ACMSD: variants seen among roughly 807,000 people sequenced by gnomAD.
ACMSD encodes the protein aminocarboxymuconate semialdehyde decarboxylase.
ACMSD carries 37 observed loss-of-function variants against 45.9 expected under a neutral mutation model. That is an observed-to-expected ratio of 0.81 (90% confidence interval 0.62 to 1.06). The LOEUF (loss-of-function observed/expected upper bound fraction) is 1.06, where lower values mean the gene tolerates loss of function less well. ACMSD is among the 50% of genes least tolerant of loss of function. The probability of loss-of-function intolerance (pLI) is 0.00; values close to 1 mark genes in which losing one functional copy is unlikely to be tolerated. For missense variants in ACMSD, 434 were observed against 420.9 expected, an observed-to-expected ratio of 1.03 and a Z score of -0.27; for synonymous variants, 138 against 148.8, an observed-to-expected ratio of 0.93 and a Z score of 0.53.
At chr2:134,859,666 A>G (rs1687756627) in intron 3 of ACMSD, 1 of 201,322 alleles carries the variant, frequency 5.0e-6, no homozygotes, top group Non-Finnish European at 9.9e-6. Flanking sequence ...TTATAAAATC[A>G]ATTAAAATAG....
chr2:134,861,912 A>G (rs1687868150), intron 3 of ACMSD, 57 bp from the exon 4 acceptor site: 2 of 1,598,970 alleles, frequency 1.3e-6, no homozygotes, highest in Admixed American at 1.7e-5. Flanking sequence ...TGGGAAAGGA[A>G]GGAGTGCCCA....
At chr2:134,885,233 T>C (rs1383813850) in intron 8 of ACMSD, among the ~76,000 whole-genome samples, 1 of 120,396 alleles carries the variant, frequency 8.3e-6, no homozygotes, top group Non-Finnish European at 1.6e-5. Flanking sequence ...ATATAATACA[T>C]ATGTAAATAT....
At chr2:134,894,795 A>AT (rs1476380629) in intron 8 of ACMSD, among the ~76,000 whole-genome samples, 1 of 152,096 alleles carries the variant, frequency 6.6e-6, no homozygotes, top group Non-Finnish European at 1.5e-5. Context: ...AAGGAAAAAA[A>AT]TTTTCTCTAC....
At chr2:134,845,521 CTCT>C (rs1159581778) in intron 2 of ACMSD, among the ~76,000 whole-genome samples, 3 of 144,478 alleles carry the variant, frequency 2.1e-5, no homozygotes, top group South Asian at 2.2e-4. Flanking sequence ...CTCTCTCTCT[CTCT>C]CTCTCTCTCT....
chr2:134,885,285 T>TATGTGTAAA (rs10636216), intron 8 of ACMSD, among the ~76,000 whole-genome samples: 1 of 104,364 alleles, frequency 9.6e-6, no homozygotes, highest in East Asian at 2.3e-4. Flanking sequence ...ATATTATATA[T>TATGTGTAAA]TATATTTATA....
chr2:134,859,628 A>C, intron 3 of ACMSD: 1 of 295,316 alleles, frequency 3.4e-6, no homozygotes, highest in South Asian at 1.2e-4. Context: ...ATTTTTAAAA[A>C]TTAGTTCAAA....
chr2:134,872,750 T>A, intron 8 of ACMSD, 109 bp downstream of exon 8: 1 of 1,310,304 alleles, frequency 7.6e-7, no homozygotes, highest in Non-Finnish European at 1.1e-6. Context: ...AGAAAGGTAT[T>A]AGATGAAAGG....
intron 1 of ACMSD, among the ~76,000 whole-genome samples, chr2:134,843,010 G>C (rs1021358386): frequency 1.3e-5 from 2 of 152,206 alleles, no homozygotes; most frequent in African/African-American, 4.8e-5. Flanking sequence ...GCAGGCAGTA[G>C]AGAAAGAGGG....
At chr2:134,861,623 G>A (rs1191807570) in intron 3 of ACMSD, among the ~76,000 whole-genome samples, 1 of 152,166 alleles carries the variant, frequency 6.6e-6, no homozygotes, top group African/African-American at 2.4e-5. Flanking sequence ...AAAGGGGCAG[G>A]GAAGGTGGCT....
chr2:134,867,379 A>C (rs1463827737), intron 5 of ACMSD, 200 bp from the exon 6 acceptor site: 1 of 384,612 alleles, frequency 2.6e-6, no homozygotes. Context: ...TGTTAATTCC[A>C]AGTGTCCCTT....
chr2:134,896,163 C>T (rs539255071), intron 8 of ACMSD, among the ~76,000 whole-genome samples: 1 of 152,148 alleles, frequency 6.6e-6, no homozygotes, highest in South Asian at 2.1e-4. Context: ...CAAAATGGAT[C>T]AAAGACTTAA....
chr2:134,850,661 A>T (rs1687296588), intron 2 of ACMSD, among the ~76,000 whole-genome samples: 1 of 151,832 alleles, frequency 6.6e-6, no homozygotes, highest in Non-Finnish European at 1.5e-5. Context: ...AGAATAATTT[A>T]TTATTATTAT....
At chr2:134,849,611 CAA>C (rs2104825225) in intron 2 of ACMSD, among the ~76,000 whole-genome samples, 1 of 152,258 alleles carries the variant, frequency 6.6e-6, no homozygotes, top group East Asian at 1.9e-4. Flanking sequence ...AAGTTCTTTC[CAA>C]AACATTTCTC....
intron 5 of ACMSD, among the ~76,000 whole-genome samples, chr2:134,864,405 A>C (rs1687998324): frequency 6.6e-6 from 1 of 152,236 alleles, no homozygotes; most frequent in Non-Finnish European, 1.5e-5. Flanking sequence ...CAGCCTCCCA[A>C]AGATGAGTAG....
chr2:134,845,653 T>C (rs550720000), intron 2 of ACMSD, among the ~76,000 whole-genome samples: 2 of 151,292 alleles, frequency 1.3e-5, no homozygotes, highest in African/African-American at 4.9e-5. Flanking sequence ...ATATTAAAGC[T>C]GACCAAATAA....
At chr2:134,898,843 C>A (rs1187409743) in intron 9 of ACMSD, among the ~76,000 whole-genome samples, 1 of 152,052 alleles carries the variant, frequency 6.6e-6, no homozygotes, top group Non-Finnish European at 1.5e-5. Flanking sequence ...TCCAAGGAAT[C>A]AGATCCTTTA....
At chr2:134,840,166 G>GAA (rs1559034706) in intron 1 of ACMSD, among the ~76,000 whole-genome samples, 1 of 12,048 alleles carries the variant, frequency 8.3e-5, no homozygotes, top group African/African-American at 3.7e-4. Context: ...ACTATACCTA[G>GAA]CAAAAAAAAA....
intron 8 of ACMSD, among the ~76,000 whole-genome samples, chr2:134,888,745 A>T (rs1689605055): frequency 1.3e-5 from 2 of 152,006 alleles, no homozygotes; most frequent in African/African-American, 4.8e-5. Flanking sequence ...GATCCCAGAG[A>T]GTGTATACTG....
At chr2:134,843,871 G>A (rs1447407818) in intron 1 of ACMSD, among the ~76,000 whole-genome samples, 2 of 152,146 alleles carry the variant, frequency 1.3e-5, no homozygotes, top group Non-Finnish European at 2.9e-5. Flanking sequence ...CAATACCGCA[G>A]CCCAAGGTGT....
Sources: allele counts gnomAD v4.1 joint callset (sites outside exome capture counted in the v4.1 genomes callset), GRCh38; gene constraint gnomAD v4.1.1; transcripts MANE v1.5; gene names NCBI Gene and HGNC (gene_info 2026-07-23, HGNC 2026-07-21).